Variants in HS6ST3 observed in about 807,000 individuals in gnomAD.
HS6ST3 encodes the protein heparan sulfate 6-O-sulfotransferase 3, also known as heparan-sulfate 6-O-sulfotransferase 3.
In HS6ST3, 12 loss-of-function variants were observed where a neutral mutation model predicts 36.7. The observed-to-expected ratio is 0.33, with a 90% confidence interval of 0.21 to 0.53. The LOEUF (loss-of-function observed/expected upper bound fraction) is 0.53, where lower values mean the gene tolerates loss of function less well. Among genes scored for constraint, HS6ST3 ranks in the 20% least tolerant of loss-of-function variants. The pLI is 0.95. For missense variants in HS6ST3, 584 were observed against 640.9 expected, an observed-to-expected ratio of 0.91 and a Z score of 0.96; for synonymous variants, 240 against 257.5, an observed-to-expected ratio of 0.93 and a Z score of 0.65.
At chr13:96,239,057 C>T (rs1034203564) in intron 1 of HS6ST3, among the ~76,000 whole-genome samples, 1 of 152,286 alleles carries the variant, frequency 6.6e-6, no homozygotes. Context: ...GGAAGGAATA[C>T]TCAGAGTTCT....
chr13:96,543,176 A>T (rs577109435), intron 1 of HS6ST3, among the ~76,000 whole-genome samples: 1 of 152,202 alleles, frequency 6.6e-6, no homozygotes, highest in African/African-American at 2.4e-5. Context: ...ATTATGGAGG[A>T]TGCAGCAGCT....
chr13:96,306,349 A>G (rs926353318), intron 1 of HS6ST3, among the ~76,000 whole-genome samples: 2 of 151,776 alleles, frequency 1.3e-5, no homozygotes, highest in Admixed American at 6.6e-5. Flanking sequence ...TGATCTGCCC[A>G]CCTCGGCCTC....
intron 1 of HS6ST3, among the ~76,000 whole-genome samples, chr13:96,455,106 T>C (rs1184987268): frequency 1.3e-5 from 2 of 152,208 alleles, no homozygotes; most frequent in Non-Finnish European, 2.9e-5. Flanking sequence ...TGTGTTAAGA[T>C]TTAATGATTT....
chr13:96,602,120 G>A (rs1264050614), intron 1 of HS6ST3, among the ~76,000 whole-genome samples: 1 of 152,220 alleles, frequency 6.6e-6, no homozygotes, highest in Non-Finnish European at 1.5e-5. Flanking sequence ...AGCTGTGGCT[G>A]AAGCAGGTGG....
At chr13:96,545,442 T>G (rs2056194294) in intron 1 of HS6ST3, among the ~76,000 whole-genome samples, 1 of 152,178 alleles carries the variant, frequency 6.6e-6, no homozygotes, top group African/African-American at 2.4e-5. Flanking sequence ...TAGGAAATAT[T>G]TTAGAGTTTA....
At chr13:96,506,821 T>G (rs991046192) in intron 1 of HS6ST3, among the ~76,000 whole-genome samples, 1 of 152,150 alleles carries the variant, frequency 6.6e-6, no homozygotes. Context: ...ACATCACAAT[T>G]CCTGCTGCTG....
intron 1 of HS6ST3, among the ~76,000 whole-genome samples, chr13:96,420,136 C>T (rs1420149710): frequency 6.6e-6 from 1 of 152,154 alleles, no homozygotes; most frequent in Non-Finnish European, 1.5e-5. Flanking sequence ...CAGTCAACAG[C>T]AGCAAACAAC....
intron 1 of HS6ST3, among the ~76,000 whole-genome samples, chr13:96,521,420 G>A (rs2056093007): frequency 6.6e-6 from 1 of 152,184 alleles, no homozygotes; most frequent in Admixed American, 6.5e-5. Context: ...GTTTCAGAAG[G>A]AATGGTACCA....
chr13:96,356,436 T>C (rs2055210456), intron 1 of HS6ST3, among the ~76,000 whole-genome samples: 1 of 152,216 alleles, frequency 6.6e-6, no homozygotes, highest in Admixed American at 6.5e-5. Flanking sequence ...GTATTACTCC[T>C]TGATCTATGG....
At chr13:96,299,997 G>T (rs183692501) in intron 1 of HS6ST3, among the ~76,000 whole-genome samples, 5 of 151,280 alleles carry the variant, frequency 3.3e-5, no homozygotes, top group African/African-American at 7.3e-5. Flanking sequence ...GGTGAAGCAG[G>T]CATGTCTTCA....
intron 1 of HS6ST3, among the ~76,000 whole-genome samples, chr13:96,563,583 G>A (rs2056270408): frequency 6.6e-6 from 1 of 152,190 alleles, no homozygotes; most frequent in Non-Finnish European, 1.5e-5. Flanking sequence ...AAAATCCCAA[G>A]TGTATAAGAA....
At chr13:96,768,669 G>A (rs1390887571) in intron 1 of HS6ST3, among the ~76,000 whole-genome samples, 4 of 152,058 alleles carry the variant, frequency 2.6e-5, no homozygotes, top group South Asian at 2.1e-4. Context: ...GATCCCATGA[G>A]CGTGCCCTTC....
chr13:96,538,124 G>A (rs915999099), intron 1 of HS6ST3, among the ~76,000 whole-genome samples: 7 of 152,100 alleles, frequency 4.6e-5, no homozygotes, highest in East Asian at 1.9e-4. Flanking sequence ...ACCCAAACAC[G>A]AATTAGAGCC....
chr13:96,379,082 A>G (rs1250389697), intron 1 of HS6ST3, among the ~76,000 whole-genome samples: 1 of 151,732 alleles, frequency 6.6e-6, no homozygotes, highest in African/African-American at 2.4e-5. Context: ...TCCTCTTTCC[A>G]TTTCTCCACT....
rs138045183 is a variant in HS6ST3 at position 96,746,467 on chromosome 13, A to C, written c.708-86023A>C. Among the ~76,000 whole-genome samples the C allele has an allele frequency of 8.5e-5, 13 of 152,232 alleles. No homozygotes were observed. The East Asian group carries it at 2.1e-3, about 25-fold the overall frequency. On this transcript the variant is annotated intron_variant, in intron 1 of 1. Transcript: ENST00000376705. ...ATAAACAAGGAATATAGAATGTGCTAACCATATTGTTAGCTAGTTTAGATT... is the reference window on the plus strand; with the variant it reads ...ATAAACAAGGAATATAGAATGTGCTCACCATATTGTTAGCTAGTTTAGATT...
chr13:96,377,705 C>T (rs1265623575), intron 1 of HS6ST3, among the ~76,000 whole-genome samples: 1 of 152,042 alleles, frequency 6.6e-6, no homozygotes, highest in Non-Finnish European at 1.5e-5. Context: ...TTCCATTTGA[C>T]GTGGCCCTTG....
chr13:96,390,313 C>G (rs1054112967), intron 1 of HS6ST3, among the ~76,000 whole-genome samples: 14 of 152,090 alleles, frequency 9.2e-5, no homozygotes, highest in Admixed American at 3.9e-4. Flanking sequence ...TTTTCTCCCC[C>G]CACTAAATTC....
intron 1 of HS6ST3, among the ~76,000 whole-genome samples, chr13:96,113,674 C>G (rs2053880914): frequency 6.6e-6 from 1 of 152,086 alleles, no homozygotes; most frequent in Admixed American, 6.5e-5. Flanking sequence ...AAATTTGGAA[C>G]CTTCCATTGC....
intron 1 of HS6ST3, among the ~76,000 whole-genome samples, chr13:96,440,844 C>A (rs777204880): frequency 3.9e-5 from 6 of 152,100 alleles, no homozygotes; most frequent in Non-Finnish European, 7.4e-5. Flanking sequence ...TAATTAATCC[C>A]TTTACCCCCT....
Sources: allele counts gnomAD v4.1 joint callset (sites outside exome capture counted in the v4.1 genomes callset), GRCh38; gene constraint gnomAD v4.1.1; transcripts MANE v1.5; gene names NCBI Gene and HGNC (gene_info 2026-07-23, HGNC 2026-07-21).